Variants in ADAMTS13 observed in about 807,000 individuals in gnomAD.
The protein encoded by ADAMTS13 is A disintegrin and metalloproteinase with thrombospondin motifs 13.
Under a neutral mutation model 155.1 loss-of-function variants are expected in ADAMTS13, and 110 were observed. The observed-to-expected ratio is 0.71, with a 90% confidence interval of 0.61 to 0.83. The LOEUF (loss-of-function observed/expected upper bound fraction) is 0.83. Ranked by LOEUF, ADAMTS13 falls within the 40% of genes least tolerant of loss-of-function variation. The pLI, the probability that ADAMTS13 is intolerant of heterozygous loss-of-function variation, is 0.00. For missense variants in ADAMTS13, 1,707 were observed against 1,891.7 expected, an observed-to-expected ratio of 0.90 and a Z score of 1.81; for synonymous variants, 758 against 756.4, an observed-to-expected ratio of 1.00 and a Z score of -0.03.
chr9:133,424,476 A>C lies in ADAMTS13; in HGVS notation c.328A>C (p.Ile110Leu). Reference sequence around the variant, plus strand: ...GCGCTATGTGCTCACCAACCTCAACATCGTGAGTGCCCCACGCTGGACTGT... The same window carrying C: ...GCGCTATGTGCTCACCAACCTCAACCTCGTGAGTGCCCCACGCTGGACTGT... ...TERYVLTNLN[I>L]GAELLRDPSL... The change falls in exon 3 of 29, where the codon ATC becomes CTC. Residue 110 changes from isoleucine to leucine, a missense_variant and splice_region_variant. Coordinates refer to ENST00000355699, the MANE Select transcript of ADAMTS13 (RefSeq NM_139027.6). The surrounding 1 kb of genome is among the most constrained non-coding windows in gnomAD (Gnocchi z 4.3). 6.2e-7 allele frequency: 1 copy of C among 1,612,960 alleles called. No homozygotes were observed. Among genetic ancestry groups the C allele is most frequent in the South Asian group, 1.1e-5 (1 of 90,950 alleles).
At position 133,439,255 on chromosome 9, in the gene ADAMTS13, C is replaced by A. The variant is rs1841482407; in HGVS notation, c.1706-111C>A. On this transcript the variant is annotated intron_variant, in intron 14 of 28. Transcript: ENST00000355699. ...GACAGGGGACTCACTGCTGCTGGAG[C>A]CAGCCCCATGGCATTGTTCAATTTT... 3.5e-6 allele frequency: 3 copies of A among 858,650 alleles called. No homozygotes were observed. In the Admixed American group the frequency reaches 5.4e-5, roughly 15 times the overall value. 53.2% of individuals were successfully genotyped at this position (858,650 alleles called of 1,614,324 possible). A position where few individuals can be genotyped will look rare whatever the true frequency, so the allele number is the denominator to read the frequency against.
intron 6 of ADAMTS13, among the ~76,000 whole-genome samples, chr9:133,427,794 C>G (rs1554785632): frequency 7.8e-6 from 1 of 127,780 alleles, no homozygotes; most frequent in African/African-American, 2.7e-5. Context: ...AAAGGCAGGG[C>G]TGCAGTCCTA....
At chr9:133,452,795 T>G (rs1842513611) in intron 23 of ADAMTS13, among the ~76,000 whole-genome samples, 1 of 152,084 alleles carries the variant, frequency 6.6e-6, no homozygotes. Flanking sequence ...AGGCACACAC[T>G]ACATGAGCTC....
In ADAMTS13 at chr9:133,445,005, GCCC is replaced by G. The variant is rs1554792106; in HGVS notation, c.2565_2567del (p.Pro856del). 6.2e-7 allele frequency: 1 copy of G among 1,613,396 alleles called. No individual in the cohort carries two copies. Among genetic ancestry groups the G allele is most frequent in the East Asian group, 2.2e-5 (1 of 44,896 alleles). ...TGGCTCCGTAGATGAGAAGCTGCCT[GCCC>G]CTGAGCCCTGTGTCGGGATGTCATG... On this transcript the variant is annotated inframe_deletion, in exon 20 of 29. Transcript: ENST00000355699. This position sits in a 1 kb window ranked among gnomAD's most constrained non-coding sequence, Gnocchi z 5.0.
At position 133,428,734 on chromosome 9, in the gene ADAMTS13, T is replaced by TC; in HGVS notation, c.792dup (p.Cys265LeufsTer125). On this transcript the variant is annotated frameshift_variant, in exon 7 of 29. Transcript: ENST00000355699. LOFTEE classifies it high-confidence loss of function. ...CGCGCCCCGCGCCGGCCTCGCCTGG[T>TC]CCCCCTGCAGCCGCCGGCAGCTGCT... 2 of 1,358,742 alleles carry TC rather than the reference T, an allele frequency of 1.5e-6. No homozygotes were observed. Among genetic ancestry groups the TC allele is most frequent in the Non-Finnish European group, 9.5e-7 (1 of 1,052,684 alleles). 84.2% of individuals were successfully genotyped at this position (1,358,742 alleles called of 1,614,324 possible).
intron 11 of ADAMTS13, 51 bp from the exon 12 acceptor site, chr9:133,436,778 A>ACCCCCCCCCCCCCCCCCCCCCCC: frequency 2.3e-6 from 1 of 433,950 alleles, no homozygotes; most frequent in East Asian, 8.0e-5. Flanking sequence ...CAGTGACAAC[A>ACCCCCCCCCCCCCCCCCCCCCCC]CCCGCCCCCC....
At chr9:133,457,536 A>T (rs2130954882) in intron 27 of ADAMTS13, among the ~76,000 whole-genome samples, 1 of 152,378 alleles carries the variant, frequency 6.6e-6, no homozygotes, top group South Asian at 2.1e-4. Context: ...CAGGAGGTAC[A>T]GGCAGGTGGG....
upstream of ADAMTS13, among the ~76,000 whole-genome samples, chr9:133,417,236 T>C (rs1467616824): frequency 6.6e-6 from 1 of 152,238 alleles, no homozygotes; most frequent in Non-Finnish European, 1.5e-5. Flanking sequence ...GGGCTGGTCT[T>C]GAACTCTTGA....
At chr9:133,417,306 C>G (rs1250232613), upstream of ADAMTS13, among the ~76,000 whole-genome samples, 1 of 152,210 alleles carries the variant, frequency 6.6e-6, no homozygotes, top group South Asian at 2.1e-4. Context: ...CGTGAGGCCC[C>G]GCGCCCGGCC....
chr9:133,424,397 G>A lies in ADAMTS13; in HGVS notation c.249G>A (p.Glu83=). ...CTGCAGGCGGCATCCTACACCTGGAGCTGCTGGTGGCCGTGGGCCCCGATG... is the reference window on the plus strand; with the variant it reads ...CTGCAGGCGGCATCCTACACCTGGAACTGCTGGTGGCCGTGGGCCCCGATG... ...RRAAGGILHL[E]LLVAVGPDVF... Residue 83 remains glutamate, a synonymous_variant, in exon 3 of 29, where the codon GAG becomes GAA. Coordinates refer to ENST00000355699, the MANE Select transcript of ADAMTS13 (RefSeq NM_139027.6). This position sits in a 1 kb window ranked among gnomAD's most constrained non-coding sequence, Gnocchi z 4.3. 1 of 1,613,728 alleles carries A rather than the reference G, an allele frequency of 6.2e-7. No individual in the cohort carries two copies. Among genetic ancestry groups the A allele is most frequent in the Non-Finnish European group, 8.5e-7 (1 of 1,180,018 alleles).
chr9:133,445,150 C>T lies in ADAMTS13; in HGVS notation c.2610+98C>T. 7.5e-7 allele frequency: 1 copy of T among 1,333,146 alleles called. No homozygotes were observed. The highest frequency in any genetic ancestry group is 2.5e-5 in the East Asian group (1 of 39,908). 82.6% of individuals were successfully genotyped at this position (1,333,146 alleles called of 1,614,324 possible). On this transcript the variant is annotated intron_variant, in intron 20 of 28. Coordinates refer to ENST00000355699, the MANE Select transcript of ADAMTS13 (RefSeq NM_139027.6). This position sits in a 1 kb window ranked among gnomAD's most constrained non-coding sequence, Gnocchi z 5.0. ...ATTGCCACCGTCCTCCAGGCCAGAG[C>T]AAGAACACCATCCTTCTGTGGGAAT...
intron 23 of ADAMTS13, among the ~76,000 whole-genome samples, chr9:133,453,931 C>T (rs1167899944): frequency 6.6e-6 from 1 of 152,086 alleles, no homozygotes; most frequent in East Asian, 1.9e-4. Flanking sequence ...AGCTCCCTTG[C>T]AGGCTGCCTG....
At chr9:133,431,153 T>TG in intron 8 of ADAMTS13, among the ~76,000 whole-genome samples, 1 of 151,090 alleles carries the variant, frequency 6.6e-6, no homozygotes, top group Non-Finnish European at 1.5e-5. Flanking sequence ...TTTGTAGAGA[T>TG]GGGGTCTCCC....
In ADAMTS13 at chr9:133,437,746, C is replaced by G; in HGVS notation, c.1436-3C>G. 1 of 1,613,810 alleles carries G rather than the reference C, an allele frequency of 6.2e-7. No individual in the cohort carries two copies. Among genetic ancestry groups the G allele is most frequent in the Non-Finnish European group, 8.5e-7 (1 of 1,180,038 alleles). The stretch of plus-strand genomic sequence containing the variant: ...GACACCCTTTTTCACTCTGCCCTCC[C>G]AGGGGATGCTCTGTGCAGACACATG... On this transcript the variant is annotated splice_region_variant and splice_polypyrimidine_tract_variant and intron_variant, in intron 12 of 28. Transcript: ENST00000355699.
At chr9:133,433,569 CATA>C in intron 10 of ADAMTS13, 40 bp downstream of exon 10, 1 of 1,613,750 alleles carries the variant, frequency 6.2e-7, no homozygotes, top group Non-Finnish European at 8.5e-7. Flanking sequence ...GGAGTGTGGC[CATA>C]CCATAGTCCC....
At chr9:133,436,777 C>CTGGGG in intron 11 of ADAMTS13, 52 bp from the exon 12 acceptor site, 1 of 527,460 alleles carries the variant, frequency 1.9e-6, no homozygotes, top group Non-Finnish European at 3.5e-6. Flanking sequence ...CCAGTGACAA[C>CTGGGG]ACCCGCCCCC....
intron 6 of ADAMTS13, among the ~76,000 whole-genome samples, chr9:133,426,700 A>C (rs928542721): frequency 3.3e-5 from 5 of 151,994 alleles, no homozygotes; most frequent in Admixed American, 2.0e-4. Flanking sequence ...ACACACACAT[A>C]TTTCTTATTT....
rs1392058366 is a variant in ADAMTS13 at position 133,428,739 on chromosome 9, C to G, written c.792C>G (p.Pro264=). ...CCCGCGCCGGCCTCGCCTGGTCCCC[C>G]TGCAGCCGCCGGCAGCTGCTGAGCC... The part of the protein sequence containing the change: ...AAPRAGLAWS[P]CSRRQLLSLL... The change falls in exon 7 of 29, where the codon CCC becomes CCG. Residue 264 remains proline (P), a synonymous_variant. Transcript: ENST00000355699. 7.4e-7 allele frequency: 1 copy of G among 1,359,964 alleles called. No individual in the cohort carries two copies. Among genetic ancestry groups the G allele is most frequent in the Admixed American group, 2.8e-5 (1 of 35,904 alleles). The allele number at this position is 1,359,964 out of a possible 1,614,324, so 84.2% of individuals were successfully genotyped here.
intron 25 of ADAMTS13, chr9:133,455,803 G>A (rs951102152): frequency 4.8e-6 from 4 of 838,232 alleles, no homozygotes; most frequent in African/African-American, 1.7e-5. Flanking sequence ...CTTGAAGGTA[G>A]GAACCCAGCT....
Sources: gnomAD v4.1 joint callset for allele counts (sites outside exome capture counted in the v4.1 genomes callset) on GRCh38, gnomAD v4.1.1 for gene constraint, Gnocchi (gnomAD v3.1) non-coding constraint, MANE v1.5 for transcripts, NCBI Gene and HGNC (gene_info 2026-07-23, HGNC 2026-07-21) for gene names.